RALGPS2: variants seen among roughly 807,000 people sequenced by gnomAD.
RALGPS2 encodes the protein ras-specific guanine nucleotide-releasing factor RalGPS2.
Under a neutral mutation model 86.8 loss-of-function variants are expected in RALGPS2, and 43 were observed. That is an observed-to-expected ratio of 0.50 (90% CI 0.39 to 0.64). RALGPS2 has a LOEUF of 0.64. Ranked by LOEUF, RALGPS2 falls within the 30% of genes least tolerant of loss-of-function variation. The probability of loss-of-function intolerance (pLI) is 0.00; values close to 1 mark genes in which losing one functional copy is unlikely to be tolerated. For missense variants in RALGPS2, 536 were observed against 694.6 expected (o/e 0.77, Z 2.57); for synonymous variants, 243 against 231.3 (o/e 1.05, Z -0.46).
intron 8 of RALGPS2, among the ~76,000 whole-genome samples, chr1:178,834,631 A>G (rs1656181511): frequency 6.6e-6 from 1 of 152,240 alleles, no homozygotes; most frequent in Non-Finnish European, 1.5e-5. Flanking sequence ...ACTGCATCCC[A>G]GAATATTTTG....
At chr1:178,856,737 A>G (rs1271634696) in intron 8 of RALGPS2, among the ~76,000 whole-genome samples, 1 of 152,122 alleles carries the variant, frequency 6.6e-6, no homozygotes, top group African/African-American at 2.4e-5. Flanking sequence ...CTTATTTAAT[A>G]AAGTAGCTTA....
chr1:178,852,075 T>C (rs765059382), intron 8 of RALGPS2, among the ~76,000 whole-genome samples: 2 of 152,164 alleles, frequency 1.3e-5, no homozygotes, highest in Non-Finnish European at 2.9e-5. Flanking sequence ...GTCATCTTGG[T>C]TTTCCCCCTC....
At chr1:178,769,768 G>A (rs948895070) in intron 1 of RALGPS2, among the ~76,000 whole-genome samples, 50 of 152,148 alleles carry the variant, frequency 3.3e-4, no homozygotes, top group Admixed American at 2.8e-3. Context: ...CTGCAGTGGG[G>A]GAAAGCACAG....
intron 1 of RALGPS2, among the ~76,000 whole-genome samples, chr1:178,742,468 G>A (rs952087335): frequency 3.3e-5 from 5 of 152,112 alleles, no homozygotes; most frequent in African/African-American, 1.2e-4. Context: ...AAACAAAAAC[G>A]GATAGTATTC....
chr1:178,886,138 G>A lies in RALGPS2; in HGVS notation c.1192+18G>A. ...ATCAATAGGTGAGAAATACTTCTCTGAGAGGGTTGCAATTTAACTTTAAAT... is the reference window on the plus strand; with the variant it reads ...ATCAATAGGTGAGAAATACTTCTCTAAGAGGGTTGCAATTTAACTTTAAAT... On this transcript the variant is annotated intron_variant, in intron 13 of 19. Coordinates refer to ENST00000367635, the MANE Select transcript of RALGPS2 (RefSeq NM_152663.5). 2 of 1,601,358 alleles carry A rather than the reference G, an allele frequency of 1.2e-6. No individual in the cohort carries two copies. The highest frequency in any genetic ancestry group is 1.1e-5 in the South Asian group (1 of 87,610).
At chr1:178,769,435 A>G (rs1287882363) in intron 1 of RALGPS2, among the ~76,000 whole-genome samples, 1 of 151,274 alleles carries the variant, frequency 6.6e-6, no homozygotes, top group Non-Finnish European at 1.5e-5. Context: ...TAGCCTGCTG[A>G]TCCTTGGAAA....
chr1:178,827,628 C>CT (rs1366700933), intron 7 of RALGPS2, among the ~76,000 whole-genome samples: 2 of 151,962 alleles, frequency 1.3e-5, no homozygotes, highest in Admixed American at 1.3e-4. Flanking sequence ...ATCTCCTGAC[C>CT]TCGTGATCCG....
chr1:178,736,439 A>C (rs1467259865), intron 1 of RALGPS2, among the ~76,000 whole-genome samples: 1 of 152,074 alleles, frequency 6.6e-6, no homozygotes, highest in Non-Finnish European at 1.5e-5. Context: ...CTGGGATTAA[A>C]GATGTGAGCC....
At chr1:178,891,415 G>A (rs919115076) in intron 14 of RALGPS2, among the ~76,000 whole-genome samples, 8 of 152,074 alleles carry the variant, frequency 5.3e-5, no homozygotes, top group African/African-American at 1.9e-4. Flanking sequence ...TTTCTAGACA[G>A]ACATCAAATA....
intron 7 of RALGPS2, among the ~76,000 whole-genome samples, chr1:178,829,233 A>G (rs1655899685): frequency 6.6e-6 from 1 of 152,164 alleles, no homozygotes; most frequent in South Asian, 2.1e-4. Flanking sequence ...AAGTAGAAGG[A>G]TGGTTGCTGA....
chr1:178,843,664 AAAAGAAAG>A (rs369401188), intron 8 of RALGPS2, among the ~76,000 whole-genome samples: 4 of 151,914 alleles, frequency 2.6e-5, no homozygotes, highest in African/African-American at 9.7e-5. Context: ...TAAAAAAAAA[AAAAGAAAG>A]AAAGAAACCA....
intron 17 of RALGPS2, among the ~76,000 whole-genome samples, chr1:178,899,635 G>A (rs1365514168): frequency 6.9e-6 from 1 of 145,548 alleles, no homozygotes; most frequent in Non-Finnish European, 1.5e-5. Context: ...TTTGGTTTTG[G>A]TTTTGGTTTT....
chr1:178,740,938 C>T (rs1182077441), intron 1 of RALGPS2, among the ~76,000 whole-genome samples: 2 of 152,188 alleles, frequency 1.3e-5, no homozygotes, highest in African/African-American at 4.8e-5. Flanking sequence ...ATACTTCTCA[C>T]TGGGTTGATG....
At chr1:178,903,576 C>T (rs1463949327) in intron 18 of RALGPS2, among the ~76,000 whole-genome samples, 2 of 152,138 alleles carry the variant, frequency 1.3e-5, no homozygotes. Context: ...AGCTTAGCTC[C>T]CACGTATCAG....
chr1:178,906,077 T>C (rs900141540), intron 18 of RALGPS2, among the ~76,000 whole-genome samples: 1 of 152,122 alleles, frequency 6.6e-6, no homozygotes, highest in Admixed American at 6.6e-5. Context: ...AACATTAACA[T>C]CTACTAATAT....
At chr1:178,886,580 G>A (rs150261851) in intron 13 of RALGPS2, among the ~76,000 whole-genome samples, 4 of 152,304 alleles carry the variant, frequency 2.6e-5, no homozygotes, top group Non-Finnish European at 5.9e-5. Flanking sequence ...CAGGTAGGTT[G>A]TTGAATATGT....
intron 18 of RALGPS2, among the ~76,000 whole-genome samples, 155 bp from the exon 19 acceptor site, chr1:178,906,621 A>G (rs1313338520): frequency 6.6e-6 from 1 of 152,236 alleles, no homozygotes; most frequent in Non-Finnish European, 1.5e-5. Context: ...TTGGAAATAC[A>G]ATAAAAATAG....
At chr1:178,895,725 C>T (rs1342569006) in intron 16 of RALGPS2, among the ~76,000 whole-genome samples, 1 of 151,878 alleles carries the variant, frequency 6.6e-6, no homozygotes, top group Non-Finnish European at 1.5e-5. Flanking sequence ...ACAAAGATAA[C>T]TTCTAGGTTT....
chr1:178,751,639 A>G (rs1306620474), intron 1 of RALGPS2, among the ~76,000 whole-genome samples: 4 of 152,202 alleles, frequency 2.6e-5, no homozygotes, highest in Non-Finnish European at 4.4e-5. Flanking sequence ...TAACACCTCA[A>G]TACTTATACA....
Sources: gnomAD v4.1 joint callset for allele counts (sites outside exome capture counted in the v4.1 genomes callset) on GRCh38, gnomAD v4.1.1 for gene constraint, MANE v1.5 for transcripts, NCBI Gene and HGNC (gene_info 2026-07-23, HGNC 2026-07-21) for gene names.